Variants in PCSK6 observed in about 807,000 individuals in gnomAD.
PCSK6 encodes paired basic amino acid cleaving enzyme 4.
In PCSK6, 85 loss-of-function variants were observed where a neutral mutation model predicts 123.3. The ratio of observed to expected loss-of-function variants is 0.69; its 90% CI spans 0.58 to 0.83. The LOEUF is 0.83. PCSK6 is among the 40% of genes least tolerant of loss of function. The probability of loss-of-function intolerance (pLI) is 0.00; values close to 1 mark genes in which losing one functional copy is unlikely to be tolerated. For synonymous variants in PCSK6, 508 were observed against 516.0 expected (o/e 0.98, Z 0.21); for missense variants, 1,191 against 1,282.3 (o/e 0.93, Z 1.09).
rs1169727718 is a variant in PCSK6 at position 101,403,212 on chromosome 15, A to C, written c.824-4636T>G. 2.9e-3 allele frequency among the ~76,000 whole-genome samples: 409 copies of C among 142,358 alleles called. 1 individual carries two copies. The highest frequency in any genetic ancestry group is 1.0e-2 in the African/African-American group (383 of 38,448). The allele number at this position is 142,358 out of a possible 152,430, so 93.4% of individuals were successfully genotyped here. A position where few individuals can be genotyped will look rare whatever the true frequency, so the allele number is the denominator to read the frequency against. ...CGCATGTTCTCACTCATAGGTGGGA[A>C]TTGAACAATGAGAACACATGGACAC... is the stretch of plus-strand genomic sequence containing the variant. On this transcript the variant is annotated intron_variant, in intron 6 of 21. Transcript: ENST00000611716.
At chr15:101,462,709 AAAAAT>A (rs2057366640) in intron 1 of PCSK6, among the ~76,000 whole-genome samples, 3 of 152,250 alleles carry the variant, frequency 2.0e-5, no homozygotes, top group African/African-American at 4.8e-5. Flanking sequence ...CATATGAGAA[AAAAAT>A]AAAATAAAAT....
chr15:101,394,553 C>T (rs1220583841), intron 7 of PCSK6, among the ~76,000 whole-genome samples: 1 of 152,220 alleles, frequency 6.6e-6, no homozygotes, highest in East Asian at 1.9e-4. Context: ...ACTGGAGCCA[C>T]TGGCTGGCCA....
chr15:101,357,646 G>A (rs1303794083), intron 13 of PCSK6, among the ~76,000 whole-genome samples: 3 of 152,248 alleles, frequency 2.0e-5, no homozygotes, highest in East Asian at 3.8e-4. Flanking sequence ...GCCAGCGGCC[G>A]TCCTGCCCAC....
chr15:101,353,646 A>T (rs2040959732), intron 13 of PCSK6, among the ~76,000 whole-genome samples: 1 of 152,192 alleles, frequency 6.6e-6, no homozygotes, highest in Non-Finnish European at 1.5e-5. Context: ...TTCTAATTAC[A>T]ACACTTTAAA....
chr15:101,304,215 G>C lies in PCSK6; in HGVS notation c.*1043C>G, dbSNP rs935655330. The C allele has an allele frequency of 1.3e-5, 2 of 152,546 alleles. No individual in the cohort carries two copies. The highest frequency in any genetic ancestry group is 4.8e-5 in the African/African-American group (2 of 41,450). 9.4% of individuals were successfully genotyped at this position (152,546 alleles called of 1,614,324 possible). On this transcript the variant is annotated 3_prime_UTR_variant, in exon 22 of 22. Coordinates refer to ENST00000611716, the MANE Select transcript of PCSK6 (RefSeq NM_002570.5). Reference sequence around the variant, plus strand: ...ATATTTGTCAAAATAATTAACATCGGTAAAAATTAGAACATGTAGCTTATA... The same window carrying C: ...ATATTTGTCAAAATAATTAACATCGCTAAAAATTAGAACATGTAGCTTATA...
chr15:101,434,779 C>T (rs567946147), intron 2 of PCSK6, among the ~76,000 whole-genome samples: 1 of 141,852 alleles, frequency 7.0e-6, no homozygotes, highest in African/African-American at 2.8e-5. Context: ...GCAGACAGCG[C>T]GGTGGCAGAG....
Position 101,410,533 on chromosome 15 carries a change from G to T in PCSK6, c.824-11957C>A, listed in dbSNP as rs150901350. 6.1e-3 allele frequency among the ~76,000 whole-genome samples: 934 copies of T among 152,344 alleles called. 6 individuals are homozygous for T. Among genetic ancestry groups the T allele is most frequent in the South Asian group, 0.025 (123 of 4,830 alleles). ...GCCCTCTCTCGCTCCCTCCTGTGCT[G>T]TTCCCATTATCATACCTTTTTAGGC... On this transcript the variant is annotated intron_variant, in intron 6 of 21. Transcript: ENST00000611716.
intron 6 of PCSK6, among the ~76,000 whole-genome samples, chr15:101,417,547 G>A (rs1020449637): frequency 5.3e-5 from 8 of 152,110 alleles, no homozygotes; most frequent in Non-Finnish European, 1.0e-4. Context: ...CTGGGTTAAA[G>A]AGAAAAATCT....
chr15:101,389,523 A>T lies in PCSK6; in HGVS notation c.1251T>A (p.Thr417=). 6.2e-7 allele frequency: 1 copy of T among 1,613,672 alleles called. No individual in the cohort carries two copies. Reference sequence around the variant, plus strand: ...CCATGGGGGCAGAGACTGAGGTCCCAGTGTGGCCATCGGTACAGCGCTGAC... The same window carrying T: ...CCATGGGGGCAGAGACTGAGGTCCCTGTGTGGCCATCGGTACAGCGCTGAC... ...DLRQRCTDGH[T]GTSVSAPMVA... The change falls in exon 9 of 22, where the codon ACT becomes ACA. Residue 417 remains threonine, a synonymous_variant. Coordinates refer to ENST00000611716, the MANE Select transcript of PCSK6 (RefSeq NM_002570.5).
At chr15:101,441,072 C>T (rs2056741737) in intron 2 of PCSK6, among the ~76,000 whole-genome samples, 1 of 152,184 alleles carries the variant, frequency 6.6e-6, no homozygotes, top group African/African-American at 2.4e-5. Flanking sequence ...TTCTTCCTTT[C>T]TTCTTTACTG....
At chr15:101,421,519 T>C (rs1391052306) in intron 6 of PCSK6, among the ~76,000 whole-genome samples, 1 of 152,180 alleles carries the variant, frequency 6.6e-6, no homozygotes, top group African/African-American at 2.4e-5. Flanking sequence ...ACATTGCTGG[T>C]TTGGTTTTGC....
intron 1 of PCSK6, among the ~76,000 whole-genome samples, chr15:101,457,993 G>C (rs2047219): frequency 0.69 from 104,806 of 152,074 alleles, 37,848 homozygotes; most frequent in Non-Finnish European, 0.82. Context: ...TCTGGTGTCT[G>C]CAATACCCTC....
chr15:101,478,948 G>A (rs2057800145), intron 1 of PCSK6, among the ~76,000 whole-genome samples: 1 of 152,122 alleles, frequency 6.6e-6, no homozygotes, highest in Admixed American at 6.5e-5. Context: ...ATTTGCCTTT[G>A]GTGAATGGAA....
chr15:101,417,819 A>G (rs1422121457), intron 6 of PCSK6, among the ~76,000 whole-genome samples: 1 of 151,964 alleles, frequency 6.6e-6, no homozygotes, highest in East Asian at 1.9e-4. Context: ...ATTAAAAAAA[A>G]CCTAGTTCTC....
chr15:101,431,091 G>A (rs1353207962), intron 4 of PCSK6, among the ~76,000 whole-genome samples: 2 of 152,318 alleles, frequency 1.3e-5, no homozygotes, highest in East Asian at 3.9e-4. Context: ...TCCTAAAAGT[G>A]TATGTGACTG....
chr15:101,417,208 T>C (rs2055919145), intron 6 of PCSK6, among the ~76,000 whole-genome samples: 3 of 152,222 alleles, frequency 2.0e-5, no homozygotes, highest in Admixed American at 2.0e-4. Context: ...GCCACCGCCA[T>C]GTTAAGAAGT....
intron 1 of PCSK6, among the ~76,000 whole-genome samples, chr15:101,482,007 T>C (rs2057899595): frequency 6.6e-6 from 1 of 152,178 alleles, no homozygotes; most frequent in Admixed American, 6.5e-5. Flanking sequence ...CGCACACGCA[T>C]GTGCACGCAC....
chr15:101,473,941 T>C (rs1459889937), intron 1 of PCSK6, among the ~76,000 whole-genome samples: 2 of 152,194 alleles, frequency 1.3e-5, no homozygotes, highest in African/African-American at 4.8e-5. Flanking sequence ...GTGAGGGTCT[T>C]AGATTATCAA....
In PCSK6 at chr15:101,489,412, G is replaced by C; in HGVS notation, c.259C>G (p.Arg87Gly). 1 of 1,280,344 alleles carries C rather than the reference G, an allele frequency of 7.8e-7. No homozygotes were observed. 79.3% of individuals were successfully genotyped at this position (1,280,344 alleles called of 1,614,324 possible). A position where few individuals can be genotyped will look rare whatever the true frequency, so the allele number is the denominator to read the frequency against. ...QVLGGPAEAD[R>G]VAAAHGYLNL... ...AGGTACCCGTGCGCCGCCGCCACGC[G>C]GTCCGCCTCGGCCGGGCCGCCCAGC... is the stretch of plus-strand genomic sequence containing the variant. Residue 87 changes from arginine to glycine, a missense_variant, in exon 1 of 22, where the codon CGC becomes GGC. This residue lies in a region of PCSK6 where 204 missense variants were observed against 166.4 expected (regional missense o/e 1.23). Transcript: ENST00000611716.
Sources: gnomAD v4.1 joint callset for allele counts (sites outside exome capture counted in the v4.1 genomes callset) on GRCh38, gnomAD v4.1.1 for gene constraint, gnomAD v4.1.1 regional missense constraint, MANE v1.5 for transcripts, NCBI Gene and HGNC (gene_info 2026-07-23, HGNC 2026-07-21) for gene names.